GRIN2B: variants seen among roughly 807,000 people sequenced by gnomAD.
The protein encoded by GRIN2B is glutamate ionotropic receptor NMDA type subunit 2B.
In GRIN2B, 5 loss-of-function variants were observed where a neutral mutation model predicts 114.5. The observed-to-expected ratio is 0.04, with a 90% confidence interval of 0.02 to 0.09. The LOEUF is 0.09. Ranked by LOEUF, GRIN2B falls within the 10% of genes least tolerant of loss-of-function variation. The pLI is 1.00. For synonymous variants in GRIN2B, 787 were observed against 745.1 expected (o/e 1.06, Z -0.92); for missense variants, 1,108 against 1,943.5 (o/e 0.57, Z 8.08).
At chr12:13,755,487 C>A (rs946050708) in intron 3 of GRIN2B, among the ~76,000 whole-genome samples, 1 of 152,114 alleles carries the variant, frequency 6.6e-6, no homozygotes, top group Non-Finnish European at 1.5e-5. Context: ...TGCTCACCAG[C>A]ACTCTCTTCT....
intron 2 of GRIN2B, among the ~76,000 whole-genome samples, chr12:13,960,345 C>G (rs2136860514): frequency 6.6e-6 from 1 of 152,056 alleles, no homozygotes; most frequent in South Asian, 2.1e-4. Flanking sequence ...TCCATTATTC[C>G]CAAATAAGGA....
At chr12:13,733,415 A>G (rs771306394) in intron 4 of GRIN2B, among the ~76,000 whole-genome samples, 1 of 152,178 alleles carries the variant, frequency 6.6e-6, no homozygotes, top group African/African-American at 2.4e-5. Context: ...GGACTCAGAC[A>G]GCCCAGAATT....
chr12:13,875,993 G>A (rs183249182), intron 2 of GRIN2B, among the ~76,000 whole-genome samples: 3 of 152,350 alleles, frequency 2.0e-5, no homozygotes, highest in Admixed American at 1.3e-4. Flanking sequence ...ATGTGAGAGG[G>A]CTGTGACAGA....
intron 3 of GRIN2B, among the ~76,000 whole-genome samples, chr12:13,764,807 G>A (rs926965406): frequency 5.3e-5 from 8 of 152,176 alleles, no homozygotes; most frequent in Non-Finnish European, 8.8e-5. Context: ...GAAAGAAAAT[G>A]TCATTTGTTA....
rs1948384091 is a variant in GRIN2B, at chr12:13,549,427, G to GAACT, written c.*13352_*13355dup. On this transcript the variant is annotated 3_prime_UTR_variant, in exon 14 of 14. Transcript: ENST00000609686. ...GAACTGCCTTATATTTTTCTGTTCAGAACTAACTTATGCCTTAATCCTAGA... is the reference window on the plus strand; with the variant it reads ...GAACTGCCTTATATTTTTCTGTTCAGAACTAACTAACTTATGCCTTAATCCTAGA... The GAACT allele has an allele frequency of 6.6e-6, 1 of 152,104 alleles. No homozygotes were observed. The highest frequency in any genetic ancestry group is 6.5e-5 in the Admixed American group (1 of 15,272). 9.4% of individuals were successfully genotyped at this position (152,104 alleles called of 1,614,324 possible). A position where few individuals can be genotyped will look rare whatever the true frequency, so the allele number is the denominator to read the frequency against.
chr12:13,808,214 CT>C (rs1340937172), intron 3 of GRIN2B, among the ~76,000 whole-genome samples: 2 of 152,044 alleles, frequency 1.3e-5, no homozygotes, highest in Admixed American at 6.6e-5. Context: ...GGGGTGCTAA[CT>C]GATGGGCAAT....
chr12:13,622,565 T>G (rs531808636), intron 5 of GRIN2B, among the ~76,000 whole-genome samples: 1 of 152,346 alleles, frequency 6.6e-6, no homozygotes, highest in Admixed American at 6.5e-5. Flanking sequence ...ATCTTTAATT[T>G]GTTTTCTGCT....
At position 13,786,091 on chromosome 12, in the gene GRIN2B, T is replaced by C. The variant is rs1591729769; in HGVS notation, c.412-32176A>G. On this transcript the variant is annotated intron_variant, in intron 3 of 13. Coordinates refer to ENST00000609686, the MANE Select transcript of GRIN2B (RefSeq NM_000834.5). ...CTGCTGCCCAGGAAAGGATAATTGC[T>C]GACTGGTCTCTCCAGTAAAGCTTGA... is the stretch of plus-strand genomic sequence containing the variant. Among the ~76,000 whole-genome samples, 3 of 152,160 alleles carry C rather than the reference T, an allele frequency of 2.0e-5. No individual in the cohort carries two copies. The East Asian group carries it at 5.8e-4, about 29-fold the overall frequency.
intron 3 of GRIN2B, among the ~76,000 whole-genome samples, chr12:13,832,739 C>T (rs1458908036): frequency 6.6e-6 from 1 of 152,020 alleles, no homozygotes; most frequent in Admixed American, 6.6e-5. Context: ...AATTACTCAC[C>T]GTGATAACTA....
chr12:13,850,781 A>T (rs1394524710), intron 3 of GRIN2B, among the ~76,000 whole-genome samples: 3 of 152,200 alleles, frequency 2.0e-5, no homozygotes, highest in Non-Finnish European at 4.4e-5. Flanking sequence ...AGTGTTCAAA[A>T]TAAAGTGAAG....
At chr12:13,637,518 G>C (rs980998381) in intron 5 of GRIN2B, among the ~76,000 whole-genome samples, 12 of 152,074 alleles carry the variant, frequency 7.9e-5, no homozygotes, top group African/African-American at 2.7e-4. Context: ...ACCAGTAAAG[G>C]TTTTGGCACC....
intron 2 of GRIN2B, among the ~76,000 whole-genome samples, chr12:13,941,223 T>G (rs219907): frequency 0.95 from 145,212 of 152,232 alleles, 69,364 homozygotes; most frequent in East Asian, 1. Context: ...TTATATTTCA[T>G]TGCCTTCTAT....
At chr12:13,803,379 C>T (rs921346455) in intron 3 of GRIN2B, among the ~76,000 whole-genome samples, 29 of 152,098 alleles carry the variant, frequency 1.9e-4, no homozygotes, top group Non-Finnish European at 4.1e-4. Context: ...ATGCCAGGTA[C>T]TGGGCTGTGT....
intron 2 of GRIN2B, among the ~76,000 whole-genome samples, chr12:13,920,222 G>A (rs1370254919): frequency 2.4e-5 from 3 of 124,486 alleles, no homozygotes; most frequent in African/African-American, 3.1e-5. Flanking sequence ...AACATAGCAA[G>A]ACCCTATCTC....
At chr12:13,630,487 T>C (rs1949606935) in intron 5 of GRIN2B, among the ~76,000 whole-genome samples, 1 of 152,188 alleles carries the variant, frequency 6.6e-6, no homozygotes, top group Admixed American at 6.5e-5. Context: ...GTGACACATG[T>C]AGAGACTTGG....
At chr12:13,935,567 T>C (rs937451782) in intron 2 of GRIN2B, among the ~76,000 whole-genome samples, 1 of 152,252 alleles carries the variant, frequency 6.6e-6, no homozygotes, top group South Asian at 2.1e-4. Flanking sequence ...TTGGATTTCC[T>C]GCCATGAGTT....
intron 4 of GRIN2B, among the ~76,000 whole-genome samples, chr12:13,735,640 A>G (rs1863163419): frequency 6.6e-6 from 1 of 152,190 alleles, no homozygotes. Flanking sequence ...GGCCAATGCA[A>G]TGCATGCTGG....
Position 13,615,936 on chromosome 12 carries a change from C to T in GRIN2B, c.1329-272G>A, listed in dbSNP as rs1243630383. ...TAAGAAAAGGGTGCATATTTGAAGGCTTCAGTTCAATGACTTTTCAGACTG... is the reference window on the plus strand; with the variant it reads ...TAAGAAAAGGGTGCATATTTGAAGGTTTCAGTTCAATGACTTTTCAGACTG... On this transcript the variant is annotated intron_variant, in intron 6 of 13. Transcript: ENST00000609686. The surrounding 1 kb of genome is among the most constrained non-coding windows in gnomAD (Gnocchi z 5.8). Among the ~76,000 whole-genome samples, 2 of 152,124 alleles carry T rather than the reference C, an allele frequency of 1.3e-5. No homozygotes were observed. The highest frequency in any genetic ancestry group is 2.9e-5 in the Non-Finnish European group (2 of 68,012).
chr12:13,967,015 CAGT>C (rs1428365500), intron 2 of GRIN2B, among the ~76,000 whole-genome samples: 9 of 152,282 alleles, frequency 5.9e-5, no homozygotes, highest in Admixed American at 2.0e-4. Flanking sequence ...GTGGAGAAGA[CAGT>C]AGCAGGGAAA....
Sources: gnomAD v4.1 joint callset for allele counts (sites outside exome capture counted in the v4.1 genomes callset) on GRCh38, gnomAD v4.1.1 for gene constraint, Gnocchi (gnomAD v3.1) non-coding constraint, MANE v1.5 for transcripts, NCBI Gene and HGNC (gene_info 2026-07-23, HGNC 2026-07-21) for gene names.